The following PSEN1 variants were observed in gnomAD, a reference collection of about 807,000 sequenced individuals.
PSEN1 encodes presenilin-1.
Under a neutral mutation model 53.5 loss-of-function variants are expected in PSEN1, and 15 were observed. The ratio of observed to expected loss-of-function variants is 0.28; its 90% CI spans 0.19 to 0.43. The LOEUF is 0.43. Ranked by LOEUF, PSEN1 falls within the 20% of genes least tolerant of loss-of-function variation. The pLI is 1.00. For missense variants in PSEN1, 387 were observed against 571.2 expected (o/e 0.68, Z 3.29); for synonymous variants, 208 against 209.8 (o/e 0.99, Z 0.08).
Position 73,144,856 on chromosome 14 carries a change from T to C in PSEN1, c.-135-2939T>C, listed in dbSNP as rs566600750. ...TAATCACTTCTGCTCATATTTAACCTATAAGCATAATATAGTTTATTTATA... is the reference window on the plus strand; with the variant it reads ...TAATCACTTCTGCTCATATTTAACCCATAAGCATAATATAGTTTATTTATA... On this transcript the variant is annotated intron_variant, in intron 1 of 11. Transcript: ENST00000324501. 3.3e-5 allele frequency among the ~76,000 whole-genome samples: 5 copies of C among 152,352 alleles called. No individual in the cohort carries two copies. In the East Asian group the frequency reaches 7.7e-4, roughly 23 times the overall value.
intron 3 of PSEN1, among the ~76,000 whole-genome samples, chr14:73,165,807 C>A (rs1275488898): frequency 1.3e-5 from 2 of 151,296 alleles, no homozygotes; most frequent in Non-Finnish European, 2.9e-5. Flanking sequence ...CCTGTAATCC[C>A]AGCATTTTGT....
intron 5 of PSEN1, among the ~76,000 whole-genome samples, chr14:73,185,362 G>T (rs1387959192): frequency 6.6e-6 from 1 of 152,204 alleles, no homozygotes; most frequent in African/African-American, 2.4e-5. Flanking sequence ...CCGGCACCTC[G>T]GGAGGCCGAG....
rs571434401 is a variant in PSEN1 at position 73,150,593 on chromosome 14, C to T, written c.87+2487C>T. 3.3e-5 allele frequency among the ~76,000 whole-genome samples: 5 copies of T among 151,166 alleles called. No homozygotes were observed. The South Asian group carries it at 1.1e-3, about 32-fold the overall frequency. On this transcript the variant is annotated intron_variant, in intron 3 of 11. Coordinates refer to ENST00000324501, the MANE Select transcript of PSEN1 (RefSeq NM_000021.4). ...CCTGGCCAACATGGTGAAACCCTGTCTCTACTAAAAAAAAATGCAAAATTT... is the reference window on the plus strand; with the variant it reads ...CCTGGCCAACATGGTGAAACCCTGTTTCTACTAAAAAAAAATGCAAAATTT...
chr14:73,148,561 G>T (rs532910305), intron 3 of PSEN1, among the ~76,000 whole-genome samples: 2 of 152,296 alleles, frequency 1.3e-5, no homozygotes, highest in African/African-American at 4.8e-5. Context: ...AATCTGTGCT[G>T]TCGGACAAAG....
chr14:73,155,339 A>G (rs1349658542), intron 3 of PSEN1, among the ~76,000 whole-genome samples: 1 of 152,202 alleles, frequency 6.6e-6, no homozygotes, highest in Admixed American at 6.5e-5. Flanking sequence ...TGAAGTTTAT[A>G]GCAATTAACT....
intron 6 of PSEN1, among the ~76,000 whole-genome samples, chr14:73,190,189 T>A (rs1366149453): frequency 6.6e-6 from 1 of 152,094 alleles, no homozygotes; most frequent in African/African-American, 2.4e-5. Context: ...ATATGCAAGA[T>A]CTATTGAGAA....
intron 1 of PSEN1, among the ~76,000 whole-genome samples, chr14:73,142,436 A>G (rs994101736): frequency 3.3e-5 from 5 of 152,222 alleles, no homozygotes; most frequent in African/African-American, 7.2e-5. Context: ...TGTGCTAGAG[A>G]TCATGGTTAA....
At chr14:73,181,495 G>A (rs972220838) in intron 5 of PSEN1, among the ~76,000 whole-genome samples, 1 of 152,100 alleles carries the variant, frequency 6.6e-6, no homozygotes, top group African/African-American at 2.4e-5. Context: ...GCAGTGGCAC[G>A]GACCTGTAGA....
chr14:73,213,413 A>T (rs1029118953), intron 10 of PSEN1, among the ~76,000 whole-genome samples: 5 of 149,202 alleles, frequency 3.4e-5, no homozygotes, highest in African/African-American at 1.2e-4. Context: ...CCAACTTTTA[A>T]AAAAAAAAAA....
At chr14:73,199,823 G>A (rs900671794) in intron 8 of PSEN1, among the ~76,000 whole-genome samples, 1 of 152,208 alleles carries the variant, frequency 6.6e-6, no homozygotes, top group Admixed American at 6.5e-5. Flanking sequence ...TCGGCTCACT[G>A]CAACCTCCGC....
intron 5 of PSEN1, among the ~76,000 whole-genome samples, chr14:73,178,564 T>G (rs1287007460): frequency 1.3e-5 from 2 of 152,150 alleles, no homozygotes; most frequent in Non-Finnish European, 2.9e-5. Flanking sequence ...TATTTTCCAA[T>G]TTTTTTCACT....
intron 5 of PSEN1, among the ~76,000 whole-genome samples, chr14:73,181,306 G>A (rs1337936842): frequency 6.6e-6 from 1 of 152,222 alleles, no homozygotes; most frequent in African/African-American, 2.4e-5. Context: ...GCTGGGCGTG[G>A]TGGCGAGTGC....
intron 11 of PSEN1, among the ~76,000 whole-genome samples, chr14:73,218,779 T>C (rs1428584466): frequency 6.6e-6 from 1 of 151,710 alleles, no homozygotes; most frequent in Non-Finnish European, 1.5e-5. Context: ...TCTTCACCTC[T>C]GGGTTTTTAA....
intron 9 of PSEN1, chr14:73,208,849 C>G: frequency 2.2e-6 from 1 of 455,306 alleles, no homozygotes; most frequent in Non-Finnish European, 4.4e-6. Context: ...CTGCTGCCAT[C>G]AACCTGCTGT....
At chr14:73,186,808 G>A in intron 5 of PSEN1, 45 bp from the exon 6 acceptor site, 1 of 1,482,730 alleles carries the variant, frequency 6.7e-7, no homozygotes, top group Non-Finnish European at 9.4e-7. Context: ...TACTTTTTAA[G>A]GGTTGTGGGA....
At chr14:73,202,417 A>AATATATATATAT (rs1566648023) in intron 8 of PSEN1, among the ~76,000 whole-genome samples, 1 of 60,516 alleles carries the variant, frequency 1.7e-5, no homozygotes, top group Non-Finnish European at 2.9e-5. Flanking sequence ...TCTATCACAT[A>AATATATATATAT]CTATATATAT....
At chr14:73,193,712 A>G (rs770064198) in intron 7 of PSEN1, among the ~76,000 whole-genome samples, 1 of 151,766 alleles carries the variant, frequency 6.6e-6, no homozygotes, top group Non-Finnish European at 1.5e-5. Flanking sequence ...GCTGGGGTGC[A>G]GTGGCACAGT....
At chr14:73,181,302 C>T (rs192578722) in intron 5 of PSEN1, among the ~76,000 whole-genome samples, 8 of 152,214 alleles carry the variant, frequency 5.3e-5, no homozygotes, top group African/African-American at 1.7e-4. Context: ...ATTAGCTGGG[C>T]GTGGTGGCGA....
At chr14:73,188,011 C>A (rs1323931147) in intron 6 of PSEN1, among the ~76,000 whole-genome samples, 1 of 151,864 alleles carries the variant, frequency 6.6e-6, no homozygotes. Flanking sequence ...TCACTGCAAC[C>A]CCCACCTCCT....
Sources: gnomAD v4.1 joint callset for allele counts (sites outside exome capture counted in the v4.1 genomes callset) on GRCh38, gnomAD v4.1.1 for gene constraint, MANE v1.5 for transcripts, NCBI Gene and HGNC (gene_info 2026-07-23, HGNC 2026-07-21) for gene names.